Variants in MTUS2 observed in about 807,000 individuals in gnomAD.
MTUS2 encodes the protein microtubule associated scaffold protein 2, also known as microtubule-associated tumor suppressor candidate 2.
Under a neutral mutation model 114.1 loss-of-function variants are expected in MTUS2, and 40 were observed. That is an observed-to-expected ratio of 0.35 (90% confidence interval 0.27 to 0.46). The LOEUF is 0.46. MTUS2 is among the 20% of genes least tolerant of loss of function. The pLI is 1.00. For synonymous variants in MTUS2, 688 were observed against 672.0 expected, an observed-to-expected ratio of 1.02 and a Z score of -0.37; for missense variants, 1,679 against 1,705.4, an observed-to-expected ratio of 0.98 and a Z score of 0.27.
intron 2 of MTUS2, among the ~76,000 whole-genome samples, chr13:28,858,701 G>A (rs1299281783): frequency 6.6e-6 from 1 of 152,166 alleles, no homozygotes; most frequent in African/African-American, 2.4e-5. Flanking sequence ...ATATGAAGGA[G>A]GAACCCCTAA....
rs147751609 is a variant in MTUS2 at position 29,294,289 on chromosome 13, G to A, written c.2806+12424G>A. On this transcript the variant is annotated intron_variant, in intron 6 of 15. Transcript: ENST00000612955. ...TCTGTATCCTGCTTTTACAGTTAAC[G>A]TTATATCCTAATAATTTTCCAATAT... 4.7e-3 allele frequency among the ~76,000 whole-genome samples: 708 copies of A among 151,908 alleles called. 8 individuals are homozygous for A. The highest frequency in any genetic ancestry group is 0.016 in the African/African-American group (673 of 41,422).
At chr13:28,934,996 T>A (rs1307798724) in intron 2 of MTUS2, among the ~76,000 whole-genome samples, 1 of 137,456 alleles carries the variant, frequency 7.3e-6, no homozygotes, top group Non-Finnish European at 1.5e-5. Flanking sequence ...ACTTGTTTCA[T>A]CTCCATAGCG....
At chr13:29,249,009 A>C (rs974155831) in intron 5 of MTUS2, among the ~76,000 whole-genome samples, 1 of 152,042 alleles carries the variant, frequency 6.6e-6, no homozygotes, top group Non-Finnish European at 1.5e-5. Flanking sequence ...CTTTCTTTCG[A>C]CAGAGTCTCG....
At chr13:29,382,053 T>C (rs1872254459) in intron 8 of MTUS2, among the ~76,000 whole-genome samples, 1 of 151,464 alleles carries the variant, frequency 6.6e-6, no homozygotes. Flanking sequence ...GAGCTGGAGG[T>C]GTGTTGGAGG....
intron 15 of MTUS2, 145 bp from the exon 16 acceptor site, chr13:29,502,848 A>G (rs914049192): frequency 5.3e-6 from 4 of 753,558 alleles, no homozygotes; most frequent in Middle Eastern, 2.9e-4. Context: ...TGATTCAACC[A>G]AAGTTCTTGG....
At chr13:29,248,288 A>G (rs901449058) in intron 5 of MTUS2, among the ~76,000 whole-genome samples, 4 of 152,184 alleles carry the variant, frequency 2.6e-5, no homozygotes, top group Non-Finnish European at 4.4e-5. Context: ...TGCACATTGC[A>G]TGTAGTGTAC....
rs542548149 is a variant in MTUS2, at chr13:29,360,697, C to A, written c.3117+1224C>A. Among the ~76,000 whole-genome samples, 23 of 140,430 alleles carry A rather than the reference C, an allele frequency of 1.6e-4. 1 individual carries two copies. The South Asian group carries it at 3.5e-3, about 21-fold the overall frequency. The allele number at this position is 140,430 out of a possible 152,430, so 92.1% of individuals were successfully genotyped here. On this transcript the variant is annotated intron_variant, in intron 8 of 15. Transcript: ENST00000612955. ...CATAAAGTAGCCGAACACCCCCCCC[C>A]CCCCGTAAGAATTAAAGTTACAAAC...
chr13:28,936,661 G>C (rs1881917352), intron 2 of MTUS2, among the ~76,000 whole-genome samples: 1 of 152,058 alleles, frequency 6.6e-6, no homozygotes, highest in Non-Finnish European at 1.5e-5. Context: ...GGAGGAGGGC[G>C]TGTGGGGTGT....
intron 8 of MTUS2, among the ~76,000 whole-genome samples, chr13:29,390,162 T>A (rs563643178): frequency 8.4e-6 from 1 of 118,980 alleles, no homozygotes. Context: ...ACACACACAC[T>A]TGTGTGTGTG....
chr13:29,045,530 T>C (rs1044733084), intron 4 of MTUS2, among the ~76,000 whole-genome samples: 13 of 152,142 alleles, frequency 8.5e-5, no homozygotes, highest in African/African-American at 2.9e-4. Context: ...CAGCAGGGTA[T>C]GTACATGAAG....
chr13:29,159,672 C>T lies in MTUS2; in HGVS notation c.2644+58702C>T, dbSNP rs546532680. On this transcript the variant is annotated intron_variant, in intron 5 of 15. Coordinates refer to ENST00000612955, the MANE Select transcript of MTUS2 (RefSeq NM_001033602.4). ...AGTAAAAAAAAAAATCCAATTAGAA[C>T]GTAGATAAGAGATATGAGCAGCCAT... Among the ~76,000 whole-genome samples the T allele has an allele frequency of 6.0e-5, 9 of 150,964 alleles. No homozygotes were observed. In the East Asian group the frequency reaches 7.8e-4, roughly 13 times the overall value.
At chr13:29,428,771 G>A in intron 8 of MTUS2, 1 of 1,608,036 alleles carries the variant, frequency 6.2e-7, no homozygotes, top group Non-Finnish European at 8.5e-7. Flanking sequence ...CGTGTGTGCC[G>A]GTACCTCGGC....
At chr13:29,305,828 C>T (rs1899424735) in intron 6 of MTUS2, among the ~76,000 whole-genome samples, 1 of 152,130 alleles carries the variant, frequency 6.6e-6, no homozygotes, top group Non-Finnish European at 1.5e-5. Context: ...GGCAGAGATA[C>T]AGCAAAAAGA....
chr13:29,204,992 C>T (rs1895123898), intron 5 of MTUS2, among the ~76,000 whole-genome samples: 1 of 152,108 alleles, frequency 6.6e-6, no homozygotes, highest in Non-Finnish European at 1.5e-5. Flanking sequence ...CACTGATGGT[C>T]CCAGTCAGAG....
intron 8 of MTUS2, among the ~76,000 whole-genome samples, chr13:29,375,892 T>G (rs1250752438): frequency 6.6e-6 from 1 of 151,574 alleles, no homozygotes; most frequent in Non-Finnish European, 1.5e-5. Context: ...TTGGGTACAA[T>G]GTACACTACT....
intron 5 of MTUS2, among the ~76,000 whole-genome samples, chr13:29,209,459 C>A (rs1895331397): frequency 6.6e-6 from 1 of 151,150 alleles, no homozygotes; most frequent in Non-Finnish European, 1.5e-5. Flanking sequence ...CTATTCTATT[C>A]ATCATGTTGG....
At chr13:29,378,728 T>A (rs535873491) in intron 8 of MTUS2, among the ~76,000 whole-genome samples, 1 of 152,324 alleles carries the variant, frequency 6.6e-6, no homozygotes, top group South Asian at 2.1e-4. Flanking sequence ...AGCATTAGTC[T>A]GTTTTGCACC....
intron 2 of MTUS2, among the ~76,000 whole-genome samples, chr13:29,022,241 G>A (rs910848095): frequency 1.4e-4 from 22 of 152,268 alleles, no homozygotes; most frequent in African/African-American, 5.3e-4. Flanking sequence ...ATGTATAGAC[G>A]CAAAAGAAAA....
intron 2 of MTUS2, among the ~76,000 whole-genome samples, chr13:28,844,333 G>A (rs1255956991): frequency 6.6e-6 from 1 of 152,092 alleles, no homozygotes; most frequent in East Asian, 1.9e-4. Context: ...AAGGGATTTT[G>A]TATTTAATTC....
Sources: allele counts gnomAD v4.1 joint callset (sites outside exome capture counted in the v4.1 genomes callset), GRCh38; gene constraint gnomAD v4.1.1; transcripts MANE v1.5; gene names NCBI Gene and HGNC (gene_info 2026-07-23, HGNC 2026-07-21).